The following GPC6 variants were observed in gnomAD, a reference collection of about 807,000 sequenced individuals.
GPC6 encodes glypican-6.
Under a neutral mutation model 55.2 loss-of-function variants are expected in GPC6, and 14 were observed. The observed-to-expected ratio is 0.25, with a 90% CI of 0.17 to 0.40. GPC6 has a LOEUF of 0.40. Ranked by LOEUF, GPC6 falls within the 10% of genes least tolerant of loss-of-function variation. GPC6 has a pLI of 1.00. For synonymous variants in GPC6, 278 were observed against 259.6 expected, an observed-to-expected ratio of 1.07 and a Z score of -0.68; for missense variants, 641 against 708.5, an observed-to-expected ratio of 0.90 and a Z score of 1.08.
chr13:93,471,144 A>C (rs540539294), intron 1 of GPC6, among the ~76,000 whole-genome samples: 14 of 152,030 alleles, frequency 9.2e-5, no homozygotes, highest in African/African-American at 2.9e-4. Context: ...TCTTGCTTCA[A>C]CTTGCTTTGT....
intron 3 of GPC6, among the ~76,000 whole-genome samples, chr13:93,933,236 C>T (rs947758091): frequency 7.9e-5 from 12 of 152,180 alleles, no homozygotes; most frequent in African/African-American, 2.6e-4. Flanking sequence ...TGTCTGGAGA[C>T]ATTTTTGGGT....
At chr13:94,132,730 A>T (rs2183099) in intron 4 of GPC6, among the ~76,000 whole-genome samples, 2 of 152,148 alleles carry the variant, frequency 1.3e-5, no homozygotes, top group African/African-American at 2.4e-5. Context: ...AGGCCATTTT[A>T]TCTCTCTCCT....
chr13:93,569,223 A>T (rs1001035159), intron 2 of GPC6, among the ~76,000 whole-genome samples: 1 of 152,176 alleles, frequency 6.6e-6, no homozygotes, highest in Admixed American at 6.6e-5. Context: ...TAACTGTGGG[A>T]TCATTAATGG....
At chr13:93,268,447 G>A (rs1877399225) in intron 1 of GPC6, among the ~76,000 whole-genome samples, 1 of 152,172 alleles carries the variant, frequency 6.6e-6, no homozygotes. Context: ...AAAAGCTACA[G>A]AATGTGAGCT....
chr13:93,392,327 CT>C (rs1875663501), intron 1 of GPC6, among the ~76,000 whole-genome samples: 1 of 152,204 alleles, frequency 6.6e-6, no homozygotes, highest in Admixed American at 6.5e-5. Context: ...TTTGACCCCC[CT>C]AATTGTTTTT....
At chr13:93,821,033 A>G (rs1341490664) in intron 2 of GPC6, among the ~76,000 whole-genome samples, 2 of 152,206 alleles carry the variant, frequency 1.3e-5, no homozygotes, top group African/African-American at 4.8e-5. Flanking sequence ...ATTTAAAGGC[A>G]TGATATGTTT....
intron 1 of GPC6, among the ~76,000 whole-genome samples, chr13:93,544,904 G>C (rs1874694548): frequency 6.6e-6 from 1 of 152,050 alleles, no homozygotes; most frequent in Admixed American, 6.6e-5. Flanking sequence ...CCTTACTTGA[G>C]GTTTCCCGAG....
chr13:93,489,733 A>G (rs1421479824), intron 1 of GPC6, among the ~76,000 whole-genome samples: 3 of 151,494 alleles, frequency 2.0e-5, no homozygotes, highest in South Asian at 2.1e-4. Flanking sequence ...CTTTGAAGCA[A>G]TTGTGAATGG....
At chr13:94,153,098 A>C (rs891272264) in intron 4 of GPC6, among the ~76,000 whole-genome samples, 1 of 152,194 alleles carries the variant, frequency 6.6e-6, no homozygotes, top group African/African-American at 2.4e-5. Context: ...TGTTGAAAGA[A>C]AGGAGAAATC....
At chr13:93,921,852 T>C (rs1877592297) in intron 3 of GPC6, among the ~76,000 whole-genome samples, 2 of 151,846 alleles carry the variant, frequency 1.3e-5, no homozygotes, top group South Asian at 4.2e-4. Flanking sequence ...GGCCACAGGT[T>C]TCCAAGCTTG....
intron 2 of GPC6, among the ~76,000 whole-genome samples, chr13:93,570,264 G>A (rs1876338678): frequency 6.6e-6 from 1 of 152,120 alleles, no homozygotes; most frequent in African/African-American, 2.4e-5. Context: ...ATTGACCCAA[G>A]GTTAAATGTA....
chr13:94,364,678 C>T (rs1217335462), intron 6 of GPC6, among the ~76,000 whole-genome samples: 3 of 152,122 alleles, frequency 2.0e-5, no homozygotes, highest in African/African-American at 4.8e-5. Context: ...AGGACCACGT[C>T]CCTTAAATCA....
chr13:93,238,362 G>A (rs1376162937), intron 1 of GPC6, among the ~76,000 whole-genome samples: 4 of 152,048 alleles, frequency 2.6e-5, no homozygotes, highest in African/African-American at 9.7e-5. Context: ...TGGAATTCTT[G>A]ATTTGATTCT....
intron 3 of GPC6, among the ~76,000 whole-genome samples, chr13:93,851,581 A>G (rs932812165): frequency 9.2e-5 from 14 of 151,896 alleles, no homozygotes; most frequent in African/African-American, 1.9e-4. Context: ...CTTTTATGCT[A>G]AAGTTTCCAC....
chr13:93,467,898 G>A (rs1418632251), intron 1 of GPC6, among the ~76,000 whole-genome samples: 1 of 152,002 alleles, frequency 6.6e-6, no homozygotes, highest in Non-Finnish European at 1.5e-5. Context: ...GCCAAGCGGT[G>A]ATTCTTGTCC....
At position 93,231,391 on chromosome 13, in the gene GPC6, A is replaced by ATG. The variant is rs58171098; in HGVS notation, c.160+3776_160+3777insGT. 2.3e-3 allele frequency among the ~76,000 whole-genome samples: 49 copies of ATG among 21,440 alleles called. 1 individual carries two copies. The highest frequency in any genetic ancestry group is 4.7e-3 in the South Asian group (3 of 642). The allele number at this position is 21,440 out of a possible 152,430, so 14.1% of individuals were successfully genotyped here. A position where few individuals can be genotyped will look rare whatever the true frequency, so the allele number is the denominator to read the frequency against. On this transcript the variant is annotated intron_variant, in intron 1 of 8. Coordinates refer to ENST00000377047, the MANE Select transcript of GPC6 (RefSeq NM_005708.5). ...TATATATATATATACATATATATATATATATGTATATATATATATATATAT... is the reference window on the plus strand; with the variant it reads ...TATATATATATATACATATATATATATGTATATGTATATATATATATATATAT...
At chr13:94,373,030 A>G (rs531337428) in intron 6 of GPC6, among the ~76,000 whole-genome samples, 5 of 152,198 alleles carry the variant, frequency 3.3e-5, no homozygotes, top group Non-Finnish European at 7.3e-5. Flanking sequence ...AAACTAAAAA[A>G]CAGAAAGGAC....
intron 1 of GPC6, among the ~76,000 whole-genome samples, chr13:93,354,354 T>TGTTTGTTTG: frequency 7.2e-6 from 1 of 138,776 alleles, no homozygotes; most frequent in South Asian, 2.3e-4. Context: ...GGTAGATTTT[T>TGTTTGTTTG]TTTTTTTTTT....
At chr13:94,073,559 G>A (rs1884808422) in intron 4 of GPC6, among the ~76,000 whole-genome samples, 1 of 152,124 alleles carries the variant, frequency 6.6e-6, no homozygotes, top group Non-Finnish European at 1.5e-5. Context: ...TGCAGCAGGA[G>A]GAGATCTTTC....
Sources: allele counts gnomAD v4.1 joint callset (sites outside exome capture counted in the v4.1 genomes callset), GRCh38; gene constraint gnomAD v4.1.1; transcripts MANE v1.5; gene names NCBI Gene and HGNC (gene_info 2026-07-23, HGNC 2026-07-21).